Variants in PXK observed in about 807,000 individuals in gnomAD.
PXK encodes the protein PX domain-containing protein kinase-like protein.
PXK carries 35 observed loss-of-function variants against 84.7 expected under a neutral mutation model. The observed-to-expected ratio is 0.41, with a 90% CI of 0.32 to 0.55. PXK has a LOEUF of 0.55. PXK is among the 20% of genes least tolerant of loss of function. PXK has a pLI of 0.21. For missense variants in PXK, 634 were observed against 699.7 expected (o/e 0.91, Z 1.06); for synonymous variants, 253 against 260.8 (o/e 0.97, Z 0.29).
chr3:58,418,490 T>C (rs1385318610), intron 17 of PXK, among the ~76,000 whole-genome samples: 3 of 152,222 alleles, frequency 2.0e-5, no homozygotes, highest in Non-Finnish European at 4.4e-5. Flanking sequence ...GGGCCCGTGC[T>C]CTTAAATACT....
chr3:58,367,488 G>A (rs543675447), intron 2 of PXK, among the ~76,000 whole-genome samples: 7 of 152,054 alleles, frequency 4.6e-5, no homozygotes, highest in African/African-American at 7.2e-5. Context: ...CTCGTGATCC[G>A]CCTGCCTCGG....
rs528951913 is a variant in PXK at position 58,395,482 on chromosome 3, C to T, written c.721-176C>T. ...CACTGGGCTAGAGAAGGGATGGAAC[C>T]TGGGTCAGCCTCTTTCTATCAACAA... On this transcript the variant is annotated intron_variant, in intron 8 of 17. Transcript: ENST00000356151. Among the ~76,000 whole-genome samples, 4 of 152,326 alleles carry T rather than the reference C, an allele frequency of 2.6e-5. No homozygotes were observed. The East Asian group carries it at 7.7e-4, about 29-fold the overall frequency.
intron 3 of PXK, among the ~76,000 whole-genome samples, chr3:58,373,292 A>T (rs558805174): frequency 1.5e-5 from 2 of 135,286 alleles, no homozygotes; most frequent in South Asian, 2.3e-4. Flanking sequence ...GTTAGCCAGG[A>T]TGGTGATCTC....
chr3:58,422,506 T>C (rs1272504194), intron 17 of PXK: 1 of 985,264 alleles, frequency 1.0e-6, no homozygotes, highest in Non-Finnish European at 1.2e-6. Context: ...AGTGTATTTA[T>C]TGACACCACC....
chr3:58,374,556 T>C (rs1050030620), intron 3 of PXK, among the ~76,000 whole-genome samples: 16 of 152,048 alleles, frequency 1.1e-4, no homozygotes, highest in African/African-American at 3.9e-4. Flanking sequence ...TTTCCTTCTA[T>C]AAGGAACTCA....
At position 58,409,614 on chromosome 3, in the gene PXK, G is replaced by T; in HGVS notation, c.1391G>T (p.Arg464Leu). 1.2e-6 allele frequency: 2 copies of T among 1,610,806 alleles called. No homozygotes were observed. The highest frequency in any genetic ancestry group is 2.2e-5 in the East Asian group (1 of 44,808). Residue 464 changes from arginine (R) to leucine (L), a missense_variant, in exon 15 of 18, where the codon CGA becomes CTA. By Grantham distance (102) the Arg-to-Leu change is moderately radical. This residue lies in a region of PXK where 273 missense variants were observed against 283.6 expected (regional missense o/e 0.96). Coordinates refer to ENST00000356151, the MANE Select transcript of PXK (RefSeq NM_017771.5). This position sits in a 1 kb window ranked among gnomAD's most constrained non-coding sequence, Gnocchi z 4.2. Reference protein sequence around the residue: ...EERKKRKILARKKSKRSALEN... With the variant: ...EERKKRKILALKKSKRSALEN... Reference sequence around the variant, plus strand: ...AGAAAAAAAAGAAAGATTTTAGCTCGAAAGGTAAGCCTGCTGTCTCTCTGC... The same window carrying T: ...AGAAAAAAAAGAAAGATTTTAGCTCTAAAGGTAAGCCTGCTGTCTCTCTGC...
chr3:58,339,685 C>T (rs2097693251), intron 1 of PXK, among the ~76,000 whole-genome samples: 1 of 152,128 alleles, frequency 6.6e-6, no homozygotes, highest in African/African-American at 2.4e-5. Flanking sequence ...ATCTAAGATT[C>T]TGGGGCTGAG....
chr3:58,422,050 G>A, intron 17 of PXK: 1 of 985,334 alleles, frequency 1.0e-6, no homozygotes, highest in Non-Finnish European at 1.2e-6. Context: ...CAGGCCAAAT[G>A]GTAACTTTCA....
intron 3 of PXK, among the ~76,000 whole-genome samples, chr3:58,375,828 C>A (rs2098437580): frequency 6.6e-6 from 1 of 152,052 alleles, no homozygotes; most frequent in Non-Finnish European, 1.5e-5. Context: ...AAAATCTCAC[C>A]AATGCTAAGC....
At chr3:58,353,855 G>A (rs2098001237) in intron 1 of PXK, among the ~76,000 whole-genome samples, 1 of 152,166 alleles carries the variant, frequency 6.6e-6, no homozygotes, top group African/African-American at 2.4e-5. Flanking sequence ...AGGACAGTTT[G>A]GTCAGGTGGT....
chr3:58,362,809 G>C (rs1378035866), intron 1 of PXK, among the ~76,000 whole-genome samples: 2 of 152,106 alleles, frequency 1.3e-5, no homozygotes, highest in Admixed American at 1.3e-4. Flanking sequence ...AGCCTCCCAG[G>C]CTCAAGCAAT....
At chr3:58,353,456 A>G (rs575949566) in intron 1 of PXK, among the ~76,000 whole-genome samples, 1 of 152,324 alleles carries the variant, frequency 6.6e-6, no homozygotes, top group East Asian at 1.9e-4. Flanking sequence ...CAGTTTTTGC[A>G]TATTATTAGA....
Position 58,387,145 on chromosome 3 carries a change from G to A in PXK, c.389-3437G>A, listed in dbSNP as rs116520042. ...CACTGGGGGCGCCTGGTACAACTGA[G>A]CTCTGTGGGAAGTACAGGATGGACT... is the stretch of plus-strand genomic sequence containing the variant. On this transcript the variant is annotated intron_variant, in intron 4 of 17. Coordinates refer to ENST00000356151, the MANE Select transcript of PXK (RefSeq NM_017771.5). Among the ~76,000 whole-genome samples the A allele has an allele frequency of 4.2e-3, 633 of 152,278 alleles. 4 individuals carry two copies. Among genetic ancestry groups the A allele is most frequent in the African/African-American group, 0.014 (574 of 41,550 alleles).
intron 17 of PXK, chr3:58,422,545 G>C: frequency 1.0e-6 from 1 of 985,168 alleles, no homozygotes; most frequent in Non-Finnish European, 1.2e-6. Flanking sequence ...CATTTAAAGT[G>C]ACAGTGGAAA....
rs2062654528 is a variant in PXK, at chr3:58,425,117, A to G, written c.*157A>G. On this transcript the variant is annotated 3_prime_UTR_variant, in exon 18 of 18. Transcript: ENST00000356151. ...TCATGTAAGCAGCTTTTCGAGAGAA[A>G]TAATTCTTTAAGCAGAATAAAGTTA... 1 of 1,132,256 alleles carries G rather than the reference A, an allele frequency of 8.8e-7. No individual in the cohort carries two copies. The highest frequency in any genetic ancestry group is 1.7e-5 in the South Asian group (1 of 60,394). 70.1% of individuals were successfully genotyped at this position (1,132,256 alleles called of 1,614,324 possible).
Position 58,407,061 on chromosome 3 carries a change from C to A in PXK, c.1231-1863C>A, listed in dbSNP as rs972137268. On this transcript the variant is annotated intron_variant, in intron 13 of 17. Transcript: ENST00000356151. This position sits in a 1 kb window ranked among gnomAD's most constrained non-coding sequence, Gnocchi z 4.3. ...TCTTTTTGAGATCCTGCTTTTGATT[C>A]TTTTGGATGTATACCCAGAAGTGGA... Among the ~76,000 whole-genome samples, 4 of 152,076 alleles carry A rather than the reference C, an allele frequency of 2.6e-5. No individual in the cohort carries two copies. The highest frequency in any genetic ancestry group is 6.6e-5 in the Admixed American group (1 of 15,266).
chr3:58,393,708 G>A (rs1213517526), intron 7 of PXK, among the ~76,000 whole-genome samples: 1 of 152,024 alleles, frequency 6.6e-6, no homozygotes, highest in East Asian at 1.9e-4. Flanking sequence ...AATTTCTTAA[G>A]GTAAATACCT....
chr3:58,421,898 T>A lies in PXK; in HGVS notation c.1529-2854T>A, dbSNP rs992719884. 17 of 985,430 alleles carry A rather than the reference T, an allele frequency of 1.7e-5. No individual in the cohort carries two copies. Among genetic ancestry groups the A allele is most frequent in the Non-Finnish European group, 2.0e-5 (17 of 829,936 alleles). The allele number at this position is 985,430 out of a possible 1,614,324, so 61.0% of individuals were successfully genotyped here. On this transcript the variant is annotated intron_variant, in intron 17 of 17. Coordinates refer to ENST00000356151, the MANE Select transcript of PXK (RefSeq NM_017771.5). This position sits in a 1 kb window ranked among gnomAD's most constrained non-coding sequence, Gnocchi z 5.5. ...CCCTTCCTGGGTGCAAATTCAGGTA[T>A]CATAAGTCTAACATGGAATCGGTCT... is the stretch of plus-strand genomic sequence containing the variant.
In PXK at chr3:58,401,229, G is replaced by A. The variant is rs561601380; in HGVS notation, c.1181+1852G>A. Among the ~76,000 whole-genome samples the A allele has an allele frequency of 1.3e-5, 2 of 152,324 alleles. No individual in the cohort carries two copies. The highest frequency in any genetic ancestry group is 2.1e-4 in the South Asian group (1 of 4,826). On this transcript the variant is annotated intron_variant, in intron 12 of 17. Transcript: ENST00000356151. The surrounding 1 kb of genome is among the most constrained non-coding windows in gnomAD (Gnocchi z 4.4). The stretch of plus-strand genomic sequence containing the variant: ...ATGTGTCCTCTGGAAGTAAAGAGAT[G>A]TGTGGCTGAGGGACAGGCGGGGCCC...
Sources: gnomAD v4.1 joint callset for allele counts (sites outside exome capture counted in the v4.1 genomes callset) on GRCh38, gnomAD v4.1.1 for gene constraint, gnomAD v4.1.1 regional missense constraint, Gnocchi (gnomAD v3.1) non-coding constraint, MANE v1.5 for transcripts, NCBI Gene and HGNC (gene_info 2026-07-23, HGNC 2026-07-21) for gene names.